Variants in SORCS2 observed in about 807,000 individuals in gnomAD.
The protein encoded by SORCS2 is VPS10 domain-containing receptor SorCS2.
A neutral mutation model predicts 141.6 loss-of-function variants in SORCS2; 100 were observed. The observed-to-expected ratio is 0.71, with a 90% CI of 0.60 to 0.83. The LOEUF is 0.83. Ranked by LOEUF, SORCS2 falls within the 40% of genes least tolerant of loss-of-function variation. The pLI is 0.00. For synonymous variants in SORCS2, 789 were observed against 676.9 expected, an observed-to-expected ratio of 1.17 and a Z score of -2.57; for missense variants, 1,646 against 1,560.2, an observed-to-expected ratio of 1.05 and a Z score of -0.93.
At chr4:7,583,502 T>C (rs1414379514) in intron 3 of SORCS2, among the ~76,000 whole-genome samples, 1 of 152,202 alleles carries the variant, frequency 6.6e-6, no homozygotes, top group Non-Finnish European at 1.5e-5. Flanking sequence ...TCATCTTTAA[T>C]TGTAGCTCCC....
At chr4:7,298,347 G>T (rs998897169) in intron 1 of SORCS2, among the ~76,000 whole-genome samples, 36 of 152,208 alleles carry the variant, frequency 2.4e-4, no homozygotes, top group African/African-American at 8.7e-4. Flanking sequence ...GGAAGTTGGA[G>T]GTGGGCCTTG....
At chr4:7,639,602 AGT>A (rs532936534) in intron 4 of SORCS2, among the ~76,000 whole-genome samples, 194 of 148,444 alleles carry the variant, frequency 1.3e-3, no homozygotes, top group Non-Finnish European at 2.4e-3. Flanking sequence ...TGTGGGTGTG[AGT>A]GTATATGTGC....
At chr4:7,398,345 C>G (rs1332275206) in intron 2 of SORCS2, among the ~76,000 whole-genome samples, 1 of 152,206 alleles carries the variant, frequency 6.6e-6, no homozygotes, top group Non-Finnish European at 1.5e-5. Context: ...GTCTCCATGT[C>G]TGTTAAATGG....
At chr4:7,657,810 ATGAG>A (rs540239540) in intron 5 of SORCS2, among the ~76,000 whole-genome samples, 3 of 139,046 alleles carry the variant, frequency 2.2e-5, no homozygotes, top group South Asian at 4.7e-4. Context: ...GAGTGAGTGA[ATGAG>A]TGAGTGGGTG....
intron 10 of SORCS2, 46 bp downstream of exon 10, chr4:7,682,935 T>G: frequency 1.3e-6 from 2 of 1,590,128 alleles, no homozygotes; most frequent in African/African-American, 1.4e-5. Flanking sequence ...GCGTGGATGC[T>G]AGATATAACT....
chr4:7,662,230 C>G (rs1159351135), intron 6 of SORCS2, among the ~76,000 whole-genome samples: 2 of 147,666 alleles, frequency 1.4e-5, no homozygotes, highest in African/African-American at 5.0e-5. Context: ...ACCCTCCCCC[C>G]CCTCCCCCAC....
chr4:7,373,634 A>G (rs1311597621), intron 1 of SORCS2, among the ~76,000 whole-genome samples: 1 of 150,464 alleles, frequency 6.6e-6, no homozygotes, highest in Admixed American at 6.6e-5. Flanking sequence ...CTGGGATTAC[A>G]GGCCACACTA....
chr4:7,666,611 C>G (rs558625088), intron 7 of SORCS2, among the ~76,000 whole-genome samples: 3 of 152,286 alleles, frequency 2.0e-5, no homozygotes, highest in Non-Finnish European at 4.4e-5. Context: ...GGATATGTGG[C>G]CTCTGTAATC....
At chr4:7,302,510 G>A (rs977542425) in intron 1 of SORCS2, among the ~76,000 whole-genome samples, 1 of 152,110 alleles carries the variant, frequency 6.6e-6, no homozygotes, top group East Asian at 1.9e-4. Context: ...GGAGCTGCAC[G>A]GTCCCCACTT....
chr4:7,676,613 C>T (rs1256416024), intron 9 of SORCS2, among the ~76,000 whole-genome samples: 1 of 151,848 alleles, frequency 6.6e-6, no homozygotes, highest in East Asian at 1.9e-4. Context: ...GAGGGCAGTG[C>T]TTCTCTCTGA....
chr4:7,422,220 G>A, intron 2 of SORCS2, among the ~76,000 whole-genome samples: 1 of 152,168 alleles, frequency 6.6e-6, no homozygotes, highest in Non-Finnish European at 1.5e-5. Context: ...TCCTGTCACT[G>A]CCCTCTTGAG....
chr4:7,534,210 G>C (rs986177056), intron 3 of SORCS2, among the ~76,000 whole-genome samples: 1 of 152,244 alleles, frequency 6.6e-6, no homozygotes, highest in Non-Finnish European at 1.5e-5. Context: ...AGTGTGTGCT[G>C]CCGAGTGGAC....
intron 1 of SORCS2, among the ~76,000 whole-genome samples, chr4:7,226,707 C>A (rs114440432): frequency 0.015 from 2,237 of 152,236 alleles, 63 homozygotes; most frequent in African/African-American, 0.051. Context: ...AGTGGCCCTG[C>A]GGCGGCTCGG....
At chr4:7,550,427 C>T (rs1053812595) in intron 3 of SORCS2, among the ~76,000 whole-genome samples, 2 of 152,204 alleles carry the variant, frequency 1.3e-5, no homozygotes, top group Non-Finnish European at 2.9e-5. Context: ...GGTGCTCTGG[C>T]ACCACTGCTT....
At chr4:7,649,337 A>AG (rs1183684124) in intron 4 of SORCS2, among the ~76,000 whole-genome samples, 2 of 53,672 alleles carry the variant, frequency 3.7e-5, no homozygotes, top group African/African-American at 9.9e-5. Flanking sequence ...TGGCAGCCAG[A>AG]GGGGGGTCCA....
Position 7,373,478 on chromosome 4 carries a change from A to ATTTTTTTTTTTTTT in SORCS2, c.481-22795_481-22782dup, listed in dbSNP as rs71173496. ...AACTTTTATATATATATATATATAT[A>ATTTTTTTTTTTTTT]TTTTTTTTTTTTTTTTTTTTTTTTT... is the stretch of plus-strand genomic sequence containing the variant. On this transcript the variant is annotated intron_variant, in intron 1 of 26. Transcript: ENST00000507866. Among the ~76,000 whole-genome samples, 9 of 36,824 alleles carry ATTTTTTTTTTTTTT rather than the reference A, an allele frequency of 2.4e-4. 1 individual carries two copies. The highest frequency in any genetic ancestry group is 2.9e-4 in the Non-Finnish European group (7 of 24,128). 24.2% of individuals were successfully genotyped at this position (36,824 alleles called of 152,430 possible).
chr4:7,523,784 G>T (rs539500987), intron 2 of SORCS2, among the ~76,000 whole-genome samples: 6 of 152,138 alleles, frequency 3.9e-5, no homozygotes, highest in Non-Finnish European at 4.4e-5. Context: ...CAGACACTCA[G>T]CCCGTCACTG....
At chr4:7,704,355 G>C in intron 14 of SORCS2, 71 bp downstream of exon 14, 1 of 1,360,778 alleles carries the variant, frequency 7.3e-7, no homozygotes, top group Non-Finnish European at 1.0e-6. Context: ...TGGGCCTACT[G>C]TGTCCTTCAC....
rs906183542 is a variant in SORCS2 at position 7,648,095 on chromosome 4, C to T, written c.814-6039C>T. On this transcript the variant is annotated intron_variant, in intron 4 of 26. Coordinates refer to ENST00000507866, the MANE Select transcript of SORCS2 (RefSeq NM_020777.3). The surrounding 1 kb of genome is among the most constrained non-coding windows in gnomAD (Gnocchi z 4.2). ...TGCCGGCCCCTGAGGGCTCTGCTTA[C>T]GGTGGGGCAGGTGGGGTGGCGGGCA... Among the ~76,000 whole-genome samples the T allele has an allele frequency of 5.9e-5, 9 of 151,798 alleles. 1 individual carries two copies. Among genetic ancestry groups the T allele is most frequent in the East Asian group, 5.8e-4 (3 of 5,156 alleles).
Sources: allele counts gnomAD v4.1 joint callset (sites outside exome capture counted in the v4.1 genomes callset), GRCh38; gene constraint gnomAD v4.1.1; non-coding constraint Gnocchi (gnomAD v3.1); transcripts MANE v1.5; gene names NCBI Gene and HGNC (gene_info 2026-07-23, HGNC 2026-07-21).